WDR37: variants seen among roughly 807,000 people sequenced by gnomAD.
The protein encoded by WDR37 is WD repeat domain 37.
In WDR37, 19 loss-of-function variants were observed where a neutral mutation model predicts 62.9. The ratio of observed to expected loss-of-function variants is 0.30; its 90% CI spans 0.21 to 0.44. The LOEUF (loss-of-function observed/expected upper bound fraction) is 0.44, where lower values mean the gene tolerates loss of function less well. Among genes scored for constraint, WDR37 ranks in the 20% least tolerant of loss-of-function variants. WDR37 has a pLI of 1.00. For missense variants in WDR37, 474 were observed against 657.6 expected, an observed-to-expected ratio of 0.72 and a Z score of 3.05; for synonymous variants, 250 against 260.9, an observed-to-expected ratio of 0.96 and a Z score of 0.40.
chr10:1,064,513 T>C lies in WDR37; in HGVS notation c.-41+7545T>C, dbSNP rs184969467. ...CACATCCAGGCCAACTTCTGAAAAC[T>C]GAAGACAGAAGCATAGTAAGAGAGA... On this transcript the variant is annotated intron_variant, in intron 1 of 13. Coordinates refer to ENST00000263150, the MANE Select transcript of WDR37 (RefSeq NM_014023.4). Among the ~76,000 whole-genome samples, 105 of 147,180 alleles carry C rather than the reference T, an allele frequency of 7.1e-4. 1 individual carries two copies. The highest frequency in any genetic ancestry group is 2.5e-3 in the African/African-American group (101 of 40,004).
rs1554825262 is a variant in WDR37 at position 1,108,749 on chromosome 10, C to CCG, written c.1103+3483_1103+3484insGC. ...TTTGGCTTCTGTGATGCCCCCCCCC[C>CCG]CCGTGGAACCTGCAGGGCCCTGAGT... is the stretch of plus-strand genomic sequence containing the variant. On this transcript the variant is annotated intron_variant, in intron 11 of 13. Coordinates refer to ENST00000263150, the MANE Select transcript of WDR37 (RefSeq NM_014023.4). 4.7e-3 allele frequency among the ~76,000 whole-genome samples: 605 copies of CCG among 128,114 alleles called. 40 individuals carry two copies. Among genetic ancestry groups the CCG allele is most frequent in the Non-Finnish European group, 6.2e-3 (358 of 57,858 alleles). The allele number at this position is 128,114 out of a possible 152,430, so 84.0% of individuals were successfully genotyped here.
chr10:1,077,368 CTT>C (rs1280572992), intron 2 of WDR37, among the ~76,000 whole-genome samples: 1 of 152,122 alleles, frequency 6.6e-6, no homozygotes, highest in Non-Finnish European at 1.5e-5. Context: ...ACATTTGGCT[CTT>C]TTTTGTGAAA....
intron 1 of WDR37, among the ~76,000 whole-genome samples, chr10:1,067,712 A>G (rs1485021891): frequency 6.6e-6 from 1 of 152,212 alleles, no homozygotes; most frequent in East Asian, 1.9e-4. Context: ...GAGATATTAC[A>G]CACCTAACGG....
intron 11 of WDR37, among the ~76,000 whole-genome samples, chr10:1,109,747 T>A (rs1167487761): frequency 6.6e-6 from 1 of 152,220 alleles, no homozygotes; most frequent in Non-Finnish European, 1.5e-5. Context: ...TAATTTGTGG[T>A]ACATTTTTGC....
At chr10:1,116,311 C>T (rs1487286064) in intron 11 of WDR37, among the ~76,000 whole-genome samples, 6 of 151,912 alleles carry the variant, frequency 3.9e-5, no homozygotes, top group South Asian at 2.1e-4. Flanking sequence ...TCAGTCCTCC[C>T]GTCACCCACC....
chr10:1,092,231 G>A (rs549574198), intron 7 of WDR37, among the ~76,000 whole-genome samples: 5 of 151,720 alleles, frequency 3.3e-5, no homozygotes, highest in Admixed American at 2.0e-4. Context: ...CTCTGGCTGG[G>A]TGCGGTGGCT....
chr10:1,113,868 T>C (rs915699353), intron 11 of WDR37, among the ~76,000 whole-genome samples: 1 of 151,680 alleles, frequency 6.6e-6, no homozygotes, highest in Non-Finnish European at 1.5e-5. Context: ...ATTTTGAATA[T>C]TCCATAAACT....
intron 2 of WDR37, among the ~76,000 whole-genome samples, chr10:1,073,132 AT>A (rs771445364): frequency 6.6e-6 from 1 of 152,216 alleles, no homozygotes; most frequent in Non-Finnish European, 1.5e-5. Context: ...TTCTGTCAGA[AT>A]TTTTAAAGAG....
chr10:1,079,914 A>T (rs557192949), intron 3 of WDR37, 97 bp from the exon 4 acceptor site: 454 of 894,482 alleles, frequency 5.1e-4, no homozygotes, highest in Middle Eastern at 3.0e-3. Context: ...TATAACACTA[A>T]TATATAGCAT....
At chr10:1,091,252 A>G (rs549137039) in intron 7 of WDR37, among the ~76,000 whole-genome samples, 2 of 152,304 alleles carry the variant, frequency 1.3e-5, no homozygotes, top group African/African-American at 4.8e-5. Flanking sequence ...TAGACATAAT[A>G]AAGTGAAAAT....
At position 1,066,341 on chromosome 10, in the gene WDR37, G is replaced by C. The variant is rs202023735; in HGVS notation, c.-40-5775G>C. On this transcript the variant is annotated intron_variant, in intron 1 of 13. Transcript: ENST00000263150. ...CCGTGTTAGCTAGGATGGTCTCGAA[G>C]TCCTGACCTTGTGATCCGTCCACCT... 4.8e-3 allele frequency among the ~76,000 whole-genome samples: 725 copies of C among 152,246 alleles called. 8 individuals are homozygous for C. The highest frequency in any genetic ancestry group is 0.027 in the East Asian group (142 of 5,172).
chr10:1,115,314 A>G (rs1160023823), intron 11 of WDR37, among the ~76,000 whole-genome samples: 3 of 152,236 alleles, frequency 2.0e-5, no homozygotes, highest in South Asian at 2.1e-4. Context: ...GCTTTCTTCT[A>G]AAGAAAACAA....
In WDR37 at chr10:1,111,131, T is replaced by C. The variant is rs1287158408; in HGVS notation, c.1103+5864T>C. Among the ~76,000 whole-genome samples the C allele has an allele frequency of 4.6e-5, 7 of 152,258 alleles. No individual in the cohort carries two copies. In the East Asian group the frequency reaches 1.3e-3, roughly 29 times the overall value. ...CATGTGTGACTAAAAATACCCTTTC[T>C]CACATAATTTATATTAACATGATGT... is the stretch of plus-strand genomic sequence containing the variant. On this transcript the variant is annotated intron_variant, in intron 11 of 13. Coordinates refer to ENST00000263150, the MANE Select transcript of WDR37 (RefSeq NM_014023.4).
rs777981351 is a variant in WDR37, at chr10:1,124,984, C to T, written c.1313C>T (p.Ser438Leu). 6 of 1,614,202 alleles carry T rather than the reference C, an allele frequency of 3.7e-6. No individual in the cohort carries two copies. Among genetic ancestry groups the T allele is most frequent in the Non-Finnish European group, 4.2e-6 (5 of 1,180,028 alleles). The change falls in exon 13 of 14, where the codon TCA becomes TTA. Residue 438 changes from serine to leucine, a missense_variant. Coordinates refer to ENST00000263150, the MANE Select transcript of WDR37 (RefSeq NM_014023.4). ...CGACAAGTGAGACTGTTTGATATGT[C>T]AGGAGTGCGCCTGGCGCGGCTTCCC... ...DNRQVRLFDM[S>L]GVRLARLPRS...
At position 1,106,114 on chromosome 10, in the gene WDR37, C is replaced by T. The variant is rs118098140; in HGVS notation, c.1103+847C>T. Among the ~76,000 whole-genome samples the T allele has an allele frequency of 6.8e-3, 1,031 of 152,256 alleles. 11 individuals are homozygous for T. Among genetic ancestry groups the T allele is most frequent in the Middle Eastern group, 0.034 (10 of 294 alleles). On this transcript the variant is annotated intron_variant, in intron 11 of 13. Coordinates refer to ENST00000263150, the MANE Select transcript of WDR37 (RefSeq NM_014023.4). Reference sequence around the variant, plus strand: ...AAGGTCTTAACAGAACTCTTCAGTTCTTTCCGTGACCGTCTCCTTCCCCCA... The same window carrying T: ...AAGGTCTTAACAGAACTCTTCAGTTTTTTCCGTGACCGTCTCCTTCCCCCA...
intron 13 of WDR37, among the ~76,000 whole-genome samples, chr10:1,126,336 G>C (rs1016708221): frequency 2.0e-5 from 3 of 151,048 alleles, no homozygotes. Context: ...AACCCAGGAG[G>C]CGGAGCTTGC....
At chr10:1,069,710 T>C (rs958565802) in intron 1 of WDR37, among the ~76,000 whole-genome samples, 3 of 152,010 alleles carry the variant, frequency 2.0e-5, no homozygotes, top group Non-Finnish European at 2.9e-5. Context: ...TGGAGTGTTT[T>C]GTATCTTGAA....
chr10:1,102,806 C>CGT (rs1286154745), intron 9 of WDR37, among the ~76,000 whole-genome samples: 4 of 152,178 alleles, frequency 2.6e-5, no homozygotes, highest in African/African-American at 7.2e-5. Context: ...ATATGACATA[C>CGT]CTCTCCATAC....
intron 13 of WDR37, among the ~76,000 whole-genome samples, chr10:1,126,888 C>T (rs188928048): frequency 5.6e-4 from 85 of 152,238 alleles, no homozygotes; most frequent in Non-Finnish European, 9.6e-4. Flanking sequence ...TTTTACTCCT[C>T]GATACACATC....
Sources: gnomAD v4.1 joint callset for allele counts (sites outside exome capture counted in the v4.1 genomes callset) on GRCh38, gnomAD v4.1.1 for gene constraint, MANE v1.5 for transcripts, NCBI Gene and HGNC (gene_info 2026-07-23, HGNC 2026-07-21) for gene names.